Variants in GLDC observed in about 807,000 individuals in gnomAD.
GLDC encodes glycine decarboxylase.
Under a neutral mutation model 121.3 loss-of-function variants are expected in GLDC, and 104 were observed. That is an observed-to-expected ratio of 0.86 (90% CI 0.73 to 1.01). GLDC has a LOEUF of 1.01. Ranked by LOEUF, GLDC falls within the 50% of genes least tolerant of loss-of-function variation. The pLI, the probability that GLDC is intolerant of heterozygous loss-of-function variation, is 0.00. For missense variants in GLDC, 1,429 were observed against 1,306.6 expected (o/e 1.09, Z -1.44); for synonymous variants, 546 against 480.6 (o/e 1.14, Z -1.78).
intron 2 of GLDC, among the ~76,000 whole-genome samples, chr9:6,637,986 T>C (rs1475691201): frequency 6.6e-6 from 1 of 151,552 alleles, no homozygotes; most frequent in African/African-American, 2.4e-5. Context: ...TGTAATCTCA[T>C]CACTTTTAAA....
chr9:6,563,383 C>A (rs926878683), intron 16 of GLDC, among the ~76,000 whole-genome samples: 1 of 152,236 alleles, frequency 6.6e-6, no homozygotes, highest in Non-Finnish European at 1.5e-5. Context: ...CTTTCTGCGG[C>A]CTCTCCGCCA....
At chr9:6,629,843 A>T (rs1819324528) in intron 2 of GLDC, among the ~76,000 whole-genome samples, 1 of 149,880 alleles carries the variant, frequency 6.7e-6, no homozygotes, top group Admixed American at 6.7e-5. Flanking sequence ...ATCTGTTTAT[A>T]TATTAGCAGA....
chr9:6,636,030 C>T (rs531275494), intron 2 of GLDC, among the ~76,000 whole-genome samples: 1 of 152,128 alleles, frequency 6.6e-6, no homozygotes, highest in East Asian at 1.9e-4. Flanking sequence ...TGAGGCCAGG[C>T]GCAGTGGCTC....
At chr9:6,601,217 G>C (rs1818603574) in intron 8 of GLDC, among the ~76,000 whole-genome samples, 1 of 152,088 alleles carries the variant, frequency 6.6e-6, no homozygotes, top group African/African-American at 2.4e-5. Context: ...CCCAGTAAGA[G>C]TGCCTCATGA....
intron 19 of GLDC, among the ~76,000 whole-genome samples, chr9:6,553,712 T>C (rs1180899993): frequency 6.6e-6 from 1 of 151,942 alleles, no homozygotes; most frequent in East Asian, 1.9e-4. Context: ...CAGCCATCAG[T>C]GTCCCAGGGC....
At chr9:6,608,368 G>A (rs563504051) in intron 4 of GLDC, among the ~76,000 whole-genome samples, 93 of 150,610 alleles carry the variant, frequency 6.2e-4, no homozygotes, top group Middle Eastern at 3.5e-3. Flanking sequence ...CTTGCAGTGA[G>A]CCGAGATAGC....
Position 6,586,847 on chromosome 9 carries a change from C to T in GLDC, c.1850+294G>A, listed in dbSNP as rs540188574. Among the ~76,000 whole-genome samples, 12 of 152,212 alleles carry T rather than the reference C, an allele frequency of 7.9e-5. No homozygotes were observed. The East Asian group carries it at 1.9e-3, about 24-fold the overall frequency. ...ATCTGGGAACACGCATTCTGAACCC[C>T]GACATTGTGCTGTAAGGAACAAGGA... On this transcript the variant is annotated intron_variant, in intron 15 of 24. Coordinates refer to ENST00000321612, the MANE Select transcript of GLDC (RefSeq NM_000170.3).
At chr9:6,535,997 G>A (rs751880766) in intron 23 of GLDC, 67 bp downstream of exon 23, 8 of 1,330,918 alleles carry the variant, frequency 6.0e-6, no homozygotes, top group Non-Finnish European at 8.7e-6. Context: ...GGAGTTGCTG[G>A]TACACTGTCC....
chr9:6,625,315 G>A (rs1360337838), intron 2 of GLDC, among the ~76,000 whole-genome samples: 1 of 152,128 alleles, frequency 6.6e-6, no homozygotes, highest in Non-Finnish European at 1.5e-5. Flanking sequence ...AAGCAATATG[G>A]CCTTGCAGTC....
chr9:6,554,278 A>G (rs1220414171), intron 19 of GLDC, among the ~76,000 whole-genome samples: 1 of 152,138 alleles, frequency 6.6e-6, no homozygotes, highest in Admixed American at 6.5e-5. Flanking sequence ...TTCACTTTCA[A>G]TGGAACCATT....
intron 21 of GLDC, chr9:6,541,076 G>C (rs1250076608): frequency 6.6e-6 from 1 of 151,966 alleles, no homozygotes; most frequent in Non-Finnish European, 1.5e-5. Flanking sequence ...TGGGTAATAG[G>C]GGCAAGACCC....
rs192924679 is a variant in GLDC, at chr9:6,578,844, T to C, written c.1850+8297A>G. On this transcript the variant is annotated intron_variant, in intron 15 of 24. Coordinates refer to ENST00000321612, the MANE Select transcript of GLDC (RefSeq NM_000170.3). Reference sequence around the variant, plus strand: ...TACTGCACCTGGCTTCAAAGTACTTTCCAGTTCTCCTTGTGATTCCTCTTT... The same window carrying C: ...TACTGCACCTGGCTTCAAAGTACTTCCCAGTTCTCCTTGTGATTCCTCTTT... 3.3e-5 allele frequency among the ~76,000 whole-genome samples: 5 copies of C among 152,340 alleles called. No homozygotes were observed. In the East Asian group the frequency reaches 9.6e-4, roughly 29 times the overall value.
intron 22 of GLDC, 84 bp downstream of exon 22, chr9:6,539,967 G>A (rs1361047168): frequency 4.6e-6 from 4 of 876,786 alleles, no homozygotes; most frequent in Non-Finnish European, 7.9e-6. Flanking sequence ...TCAGTTTACT[G>A]TGGTGCCTGC....
At chr9:6,598,777 T>C (rs903340453) in intron 8 of GLDC, among the ~76,000 whole-genome samples, 6 of 152,226 alleles carry the variant, frequency 3.9e-5, no homozygotes, top group African/African-American at 1.4e-4. Context: ...AGCTGGAGTA[T>C]GGCCATCTCC....
At chr9:6,553,052 G>A (rs1265617531) in intron 20 of GLDC, among the ~76,000 whole-genome samples, 1 of 152,088 alleles carries the variant, frequency 6.6e-6, no homozygotes, top group Non-Finnish European at 1.5e-5. Context: ...GAAACCAAAG[G>A]ATGCGGCCAG....
At chr9:6,571,490 G>T (rs1185808600) in intron 15 of GLDC, among the ~76,000 whole-genome samples, 1 of 152,188 alleles carries the variant, frequency 6.6e-6, no homozygotes, top group Non-Finnish European at 1.5e-5. Context: ...TCCTTGCAAT[G>T]AGACATTGCA....
chr9:6,606,116 G>A, intron 5 of GLDC: 1 of 183,840 alleles, frequency 5.4e-6, no homozygotes, highest in East Asian at 1.6e-4. Context: ...GACCATCCTG[G>A]CTAACACGGT....
chr9:6,556,430 T>A, intron 17 of GLDC, 128 bp from the exon 18 acceptor site: 1 of 765,338 alleles, frequency 1.3e-6, no homozygotes. Flanking sequence ...TGGAACTGTC[T>A]CAAAGTACAA....
intron 3 of GLDC, among the ~76,000 whole-genome samples, chr9:6,611,274 A>C (rs987964881): frequency 6.6e-6 from 1 of 152,260 alleles, no homozygotes. Context: ...TAGTTCCTTC[A>C]TCCTTACAGG....
Sources: gnomAD v4.1 joint callset for allele counts (sites outside exome capture counted in the v4.1 genomes callset) on GRCh38, gnomAD v4.1.1 for gene constraint, MANE v1.5 for transcripts, NCBI Gene and HGNC (gene_info 2026-07-23, HGNC 2026-07-21) for gene names.